SPOCK3: variants seen among roughly 807,000 people sequenced by gnomAD.
SPOCK3 encodes the protein SPARC (osteonectin), cwcv and kazal like domains proteoglycan 3.
SPOCK3 carries 30 observed loss-of-function variants against 56.6 expected under a neutral mutation model. That is an observed-to-expected ratio of 0.53 (90% CI 0.40 to 0.72). SPOCK3 has a LOEUF of 0.72. SPOCK3 is among the 30% of genes least tolerant of loss of function. The pLI is 0.00. For missense variants in SPOCK3, 527 were observed against 530.0 expected, an observed-to-expected ratio of 0.99 and a Z score of 0.06; for synonymous variants, 196 against 183.3, an observed-to-expected ratio of 1.07 and a Z score of -0.56.
chr4:166,951,360 C>T (rs1742596056), intron 4 of SPOCK3, among the ~76,000 whole-genome samples: 1 of 137,586 alleles, frequency 7.3e-6, no homozygotes, highest in South Asian at 2.3e-4. Flanking sequence ...TCGACACATA[C>T]ACTCTCCCAA....
chr4:167,144,166 T>G (rs1034107468), intron 2 of SPOCK3, among the ~76,000 whole-genome samples: 11 of 152,002 alleles, frequency 7.2e-5, no homozygotes, highest in African/African-American at 2.4e-4. Context: ...CTTGGTGATA[T>G]CTATAAGCTC....
intron 2 of SPOCK3, among the ~76,000 whole-genome samples, chr4:167,141,972 CT>C (rs563646789): frequency 1.1e-4 from 16 of 151,966 alleles, no homozygotes; most frequent in Non-Finnish European, 2.4e-4. Context: ...ATGGCCTGGG[CT>C]TTCTCAACAG....
intron 2 of SPOCK3, among the ~76,000 whole-genome samples, chr4:167,226,730 G>A (rs1196217628): frequency 1.3e-5 from 2 of 152,044 alleles, no homozygotes; most frequent in Non-Finnish European, 2.9e-5. Context: ...CAAGGTGATT[G>A]TCCTAGATTT....
At chr4:167,151,303 T>C (rs952317535) in intron 2 of SPOCK3, among the ~76,000 whole-genome samples, 1 of 152,188 alleles carries the variant, frequency 6.6e-6, no homozygotes, top group Non-Finnish European at 1.5e-5. Context: ...TTGGATAGGA[T>C]GACATAGGCT....
chr4:166,755,937 C>T (rs559843708), intron 7 of SPOCK3, among the ~76,000 whole-genome samples: 1,269 of 8,348 alleles, frequency 0.15, 543 homozygotes, highest in African/African-American at 0.4. Context: ...GCGTGAGCGA[C>T]GCAGAAGACG....
intron 6 of SPOCK3, among the ~76,000 whole-genome samples, chr4:166,829,106 G>A (rs1309378272): frequency 6.6e-6 from 1 of 151,984 alleles, no homozygotes; most frequent in Non-Finnish European, 1.5e-5. Context: ...TTACAGAAAT[G>A]ATGTAACCTC....
chr4:166,882,016 AG>A (rs1733734433), intron 6 of SPOCK3, among the ~76,000 whole-genome samples: 1 of 152,134 alleles, frequency 6.6e-6, no homozygotes, highest in African/African-American at 2.4e-5. Context: ...CTGGGTGGAA[AG>A]GGGGATGACA....
intron 7 of SPOCK3, among the ~76,000 whole-genome samples, chr4:166,789,645 T>C (rs1052209439): frequency 2.6e-5 from 4 of 152,186 alleles, no homozygotes; most frequent in African/African-American, 4.8e-5. Flanking sequence ...TCAGATAAGT[T>C]GAAAACTGTG....
intron 2 of SPOCK3, among the ~76,000 whole-genome samples, chr4:167,114,389 CAG>C (rs1399240143): frequency 1.3e-5 from 2 of 152,132 alleles, no homozygotes; most frequent in Non-Finnish European, 2.9e-5. Flanking sequence ...AGAACCCGAA[CAG>C]AGTTTCTTCC....
intron 3 of SPOCK3, among the ~76,000 whole-genome samples, chr4:167,033,594 G>A (rs1752474232): frequency 6.6e-6 from 1 of 151,838 alleles, no homozygotes; most frequent in Non-Finnish European, 1.5e-5. Context: ...GTAAATACAT[G>A]GCATGCAGGC....
At chr4:167,209,026 T>G (rs1031265339) in intron 2 of SPOCK3, among the ~76,000 whole-genome samples, 1 of 152,180 alleles carries the variant, frequency 6.6e-6, no homozygotes, top group African/African-American at 2.4e-5. Flanking sequence ...ATGAAGTGGA[T>G]GAATATATTA....
chr4:166,981,749 T>C (rs1746598684), intron 4 of SPOCK3, among the ~76,000 whole-genome samples: 1 of 152,150 alleles, frequency 6.6e-6, no homozygotes, highest in African/African-American at 2.4e-5. Context: ...CTGCCATCCA[T>C]CAATCTTGTC....
intron 4 of SPOCK3, among the ~76,000 whole-genome samples, chr4:166,972,618 A>G (rs2150076645): frequency 6.6e-6 from 1 of 152,276 alleles, no homozygotes. Flanking sequence ...TTCATAACCT[A>G]TTTAATAAAT....
chr4:167,075,849 T>C (rs1298428284), intron 2 of SPOCK3, among the ~76,000 whole-genome samples: 1 of 151,942 alleles, frequency 6.6e-6, no homozygotes. Context: ...GATATATATG[T>C]GTTCTTCTCT....
At chr4:166,738,468 C>A (rs1486062237) in intron 9 of SPOCK3, among the ~76,000 whole-genome samples, 3 of 147,610 alleles carry the variant, frequency 2.0e-5, no homozygotes, top group Non-Finnish European at 3.0e-5. Flanking sequence ...GTTTTTTTTT[C>A]TTTTTTTATT....
chr4:167,226,299 C>G (rs1177761987), intron 2 of SPOCK3, among the ~76,000 whole-genome samples: 1 of 152,082 alleles, frequency 6.6e-6, no homozygotes, highest in African/African-American at 2.4e-5. Context: ...CTACCAAACT[C>G]CTACATCTAG....
In SPOCK3 at chr4:167,111,159, T is replaced by C. The variant is rs140207015; in HGVS notation, c.190-48622A>G. On this transcript the variant is annotated intron_variant, in intron 2 of 10. Transcript: ENST00000357545. ...TATATTTGTATATATAGCCTATATG[T>C]ATACTTTATATGAAATTATTAAATG... Among the ~76,000 whole-genome samples the C allele has an allele frequency of 3.3e-3, 496 of 152,220 alleles. 5 individuals carry two copies. Among genetic ancestry groups the C allele is most frequent in the African/African-American group, 0.012 (478 of 41,552 alleles).
At chr4:167,087,593 T>C (rs768696808) in intron 2 of SPOCK3, among the ~76,000 whole-genome samples, 7 of 152,168 alleles carry the variant, frequency 4.6e-5, no homozygotes, top group Non-Finnish European at 1.0e-4. Context: ...AGATAGATGT[T>C]AGGAATCGTT....
At chr4:167,234,264 A>T in intron 1 of SPOCK3, 91 bp from the exon 2 acceptor site, 1 of 1,246,726 alleles carries the variant, frequency 8.0e-7, no homozygotes, top group East Asian at 2.4e-5. Flanking sequence ...AACATGCATT[A>T]GCAACGACGA....
Sources: gnomAD v4.1 joint callset for allele counts (sites outside exome capture counted in the v4.1 genomes callset) on GRCh38, gnomAD v4.1.1 for gene constraint, MANE v1.5 for transcripts, NCBI Gene and HGNC (gene_info 2026-07-23, HGNC 2026-07-21) for gene names.